The following RP1 variants were observed in gnomAD, a reference collection of about 807,000 sequenced individuals.
RP1 encodes RP1 axonemal microtubule associated, also known as oxygen-regulated protein 1.
A neutral mutation model predicts 14.8 loss-of-function variants in RP1; 16 were observed. The observed-to-expected ratio is 1.08, with a 90% CI of 0.73 to 1.65. The LOEUF is 1.65. Ranked by LOEUF, RP1 falls within the 40% of genes most tolerant of loss-of-function variation. The pLI, the probability that RP1 is intolerant of heterozygous loss-of-function variation, is 0.00. For missense variants in RP1, 2,631 were observed against 2,535.0 expected, an observed-to-expected ratio of 1.04 and a Z score of -0.81; for synonymous variants, 876 against 883.6, an observed-to-expected ratio of 0.99 and a Z score of 0.15.
At chr8:54,656,346 C>T (rs1806754659) in intron 6 of RP1, 1 of 893,336 alleles carries the variant, frequency 1.1e-6, no homozygotes, top group African/African-American at 1.7e-5. Flanking sequence ...ACTTACCTCT[C>T]TGATGTGGCA....
At chr8:54,729,686 CCTT>C (rs1808744672) in intron 17 of RP1, among the ~76,000 whole-genome samples, 1 of 151,878 alleles carries the variant, frequency 6.6e-6, no homozygotes, top group Admixed American at 6.6e-5. Context: ...CATTTTGTAA[CCTT>C]CTCAGTTAAT....
Position 54,621,320 on chromosome 8 carries a change from C to A in RP1, c.354C>A (p.Asp118Glu). 6.2e-7 allele frequency: 1 copy of A among 1,612,666 alleles called. No homozygotes were observed. Among genetic ancestry groups the A allele is most frequent in the Non-Finnish European group, 8.5e-7 (1 of 1,179,336 alleles). ...GGAAGGTGCAGCCTGTAGACCTGGACAAAGCCCGTCGGCGCCCGCGGCCCT... is the reference window on the plus strand; with the variant it reads ...GGAAGGTGCAGCCTGTAGACCTGGAAAAAGCCCGTCGGCGCCCGCGGCCCT... ...HGRKVQPVDL[D>E]KARRRPRPWL... The change falls in exon 2 of 4, where the codon GAC becomes GAA. Residue 118 changes from aspartate (D) to glutamate (E), a missense_variant. Physicochemically the swap from Asp to Glu is conservative, Grantham distance 45. Coordinates refer to ENST00000220676, the MANE Select transcript of RP1 (RefSeq NM_006269.2).
intron 1 of RP1, among the ~76,000 whole-genome samples, chr8:54,586,846 G>A (rs901703361): frequency 3.9e-5 from 6 of 152,208 alleles, no homozygotes; most frequent in Admixed American, 2.0e-4. Flanking sequence ...CATTGGAAAA[G>A]CGCAGTATTA....
At chr8:54,840,666 T>C (rs1473095395) in intron 25 of RP1, among the ~76,000 whole-genome samples, 3 of 150,314 alleles carry the variant, frequency 2.0e-5, no homozygotes, top group Non-Finnish European at 4.4e-5. Context: ...CTTCATTGTA[T>C]CTTAAATGAG....
chr8:54,820,766 G>A (rs1811236775), intron 24 of RP1, among the ~76,000 whole-genome samples: 1 of 152,132 alleles, frequency 6.6e-6, no homozygotes, highest in African/African-American at 2.4e-5. Flanking sequence ...TGGTTCTTAT[G>A]ATGGTGTTTT....
At chr8:54,775,836 T>C (rs1034660115) in intron 23 of RP1, among the ~76,000 whole-genome samples, 3 of 152,224 alleles carry the variant, frequency 2.0e-5, no homozygotes, top group Non-Finnish European at 4.4e-5. Flanking sequence ...TTGAAGATCA[T>C]GAATTTCTCT....
intron 24 of RP1, among the ~76,000 whole-genome samples, chr8:54,834,300 G>A (rs1811606949): frequency 6.6e-6 from 1 of 151,994 alleles, no homozygotes; most frequent in African/African-American, 2.4e-5. Flanking sequence ...TCAGAGTCAG[G>A]GGTTCCGGAG....
chr8:54,801,388 C>T (rs754697945), intron 24 of RP1, among the ~76,000 whole-genome samples: 17 of 152,174 alleles, frequency 1.1e-4, no homozygotes, highest in South Asian at 4.1e-4. Context: ...CTCCTCCAGG[C>T]GTAGTGGGCC....
intron 27 of RP1, among the ~76,000 whole-genome samples, chr8:54,860,526 A>C (rs1812319925): frequency 6.6e-6 from 1 of 152,230 alleles, no homozygotes; most frequent in Admixed American, 6.5e-5. Context: ...AATAAAATAG[A>C]TCCCTGGGCC....
At chr8:54,678,164 T>C (rs891050604) in intron 8 of RP1, among the ~76,000 whole-genome samples, 4 of 152,190 alleles carry the variant, frequency 2.6e-5, no homozygotes, top group Non-Finnish European at 4.4e-5. Context: ...GAATGCAGTT[T>C]ATGAAATTAA....
intron 19 of RP1, among the ~76,000 whole-genome samples, chr8:54,750,806 C>T (rs1057504170): frequency 6.6e-6 from 1 of 152,166 alleles, no homozygotes; most frequent in Non-Finnish European, 1.5e-5. Flanking sequence ...CAGTAAAACG[C>T]ACCAATCAGT....
intron 1 of RP1, among the ~76,000 whole-genome samples, chr8:54,563,256 GC>G (rs1804326000): frequency 6.6e-6 from 1 of 152,174 alleles, no homozygotes; most frequent in South Asian, 2.1e-4. Flanking sequence ...AGGGAGGAGG[GC>G]CTCTTGTTCC....
chr8:54,777,779 T>A (rs1353537251), intron 23 of RP1, among the ~76,000 whole-genome samples: 2 of 152,208 alleles, frequency 1.3e-5, no homozygotes, highest in Non-Finnish European at 2.9e-5. Context: ...GTATCTTTGC[T>A]AAATCTCATT....
intron 4 of RP1, among the ~76,000 whole-genome samples, chr8:54,652,331 G>A (rs1316489970): frequency 6.6e-6 from 1 of 152,042 alleles, no homozygotes; most frequent in Admixed American, 6.6e-5. Context: ...ATTGTGTTTC[G>A]ACAAGATACT....
intron 24 of RP1, among the ~76,000 whole-genome samples, chr8:54,833,956 A>G (rs1811598312): frequency 6.6e-6 from 1 of 152,092 alleles, no homozygotes; most frequent in South Asian, 2.1e-4. Context: ...ATGAAAAAAA[A>G]TCAACAGCTA....
intron 24 of RP1, among the ~76,000 whole-genome samples, chr8:54,796,338 G>T (rs1810576118): frequency 6.6e-6 from 1 of 152,174 alleles, no homozygotes; most frequent in African/African-American, 2.4e-5. Context: ...TATTTGTATT[G>T]TGTTTGGGAA....
intron 19 of RP1, among the ~76,000 whole-genome samples, chr8:54,747,314 T>C (rs1809250127): frequency 6.6e-6 from 1 of 152,204 alleles, no homozygotes; most frequent in South Asian, 2.1e-4. Context: ...GCCACACTGG[T>C]CTTCTCCTGC....
At chr8:54,843,187 C>T (rs976454829) in intron 25 of RP1, among the ~76,000 whole-genome samples, 3 of 152,160 alleles carry the variant, frequency 2.0e-5, no homozygotes, top group African/African-American at 7.2e-5. Flanking sequence ...AGGCGTGCAC[C>T]ACCACGCCCA....
chr8:54,857,175 A>G, intron 27 of RP1: 1 of 489,934 alleles, frequency 2.0e-6, no homozygotes. Flanking sequence ...GAAGCAGGTG[A>G]AAGAACAGGA....
Sources: allele counts gnomAD v4.1 joint callset (sites outside exome capture counted in the v4.1 genomes callset), GRCh38; gene constraint gnomAD v4.1.1; transcripts MANE v1.5; gene names NCBI Gene and HGNC (gene_info 2026-07-23, HGNC 2026-07-21).